Variants in CPA6 observed in about 807,000 individuals in gnomAD.
The protein encoded by CPA6 is carboxypeptidase B.
Under a neutral mutation model 63.3 loss-of-function variants are expected in CPA6, and 58 were observed. The observed-to-expected ratio is 0.92, with a 90% CI of 0.74 to 1.14. The LOEUF is 1.14. Among genes scored for constraint, CPA6 ranks in the 50% most tolerant of loss-of-function variants. CPA6 has a pLI of 0.00. For missense variants in CPA6, 565 were observed against 526.6 expected (o/e 1.07, Z -0.71); for synonymous variants, 185 against 179.0 (o/e 1.03, Z -0.27).
At chr8:67,653,466 T>A (rs1425913132) in intron 1 of CPA6, among the ~76,000 whole-genome samples, 2 of 150,344 alleles carry the variant, frequency 1.3e-5, no homozygotes, top group Non-Finnish European at 1.5e-5. Context: ...ACATCCCTTG[T>A]AAGTTGGATT....
intron 6 of CPA6, among the ~76,000 whole-genome samples, chr8:67,489,311 G>T (rs1257667939): frequency 6.6e-6 from 1 of 151,998 alleles, no homozygotes; most frequent in Non-Finnish European, 1.5e-5. Flanking sequence ...CTAACTTGGA[G>T]ACTTTATTCG....
chr8:67,703,088 G>T (rs1374304811), intron 1 of CPA6, among the ~76,000 whole-genome samples: 1 of 152,128 alleles, frequency 6.6e-6, no homozygotes, highest in Non-Finnish European at 1.5e-5. Flanking sequence ...ACATATTTTG[G>T]TGCCATGTGA....
intron 2 of CPA6, among the ~76,000 whole-genome samples, chr8:67,534,205 T>C (rs1812535928): frequency 1.3e-5 from 2 of 152,160 alleles, no homozygotes; most frequent in African/African-American, 4.8e-5. Flanking sequence ...AGGGATCTCA[T>C]GAGTAAGGAG....
intron 2 of CPA6, among the ~76,000 whole-genome samples, chr8:67,571,190 C>T (rs1441942991): frequency 6.6e-6 from 1 of 152,050 alleles, no homozygotes; most frequent in East Asian, 1.9e-4. Context: ...AGTGGAGCAC[C>T]TAAATATATA....
intron 8 of CPA6, among the ~76,000 whole-genome samples, chr8:67,460,018 A>G (rs879250412): frequency 6.7e-5 from 10 of 148,274 alleles, no homozygotes; most frequent in Admixed American, 3.4e-4. Flanking sequence ...TCTTGGGGGG[A>G]AAAAAAGGCA....
At chr8:67,714,700 A>G (rs1169271704) in intron 1 of CPA6, among the ~76,000 whole-genome samples, 1 of 152,186 alleles carries the variant, frequency 6.6e-6, no homozygotes, top group Non-Finnish European at 1.5e-5. Flanking sequence ...GCTCAGGATT[A>G]AGTGCCTTCC....
At chr8:67,438,088 T>C (rs1193968303) in intron 8 of CPA6, among the ~76,000 whole-genome samples, 1 of 152,184 alleles carries the variant, frequency 6.6e-6, no homozygotes, top group Non-Finnish European at 1.5e-5. Flanking sequence ...TGGCTAGTTT[T>C]TGTATTTTTA....
chr8:67,524,004 T>C lies in CPA6; in HGVS notation c.193-5957A>G, dbSNP rs536125098. Among the ~76,000 whole-genome samples the C allele has an allele frequency of 1.2e-3, 190 of 152,374 alleles. 2 individuals are homozygous for C. The South Asian group carries it at 0.018, about 14-fold the overall frequency. On this transcript the variant is annotated intron_variant, in intron 2 of 10. Coordinates refer to ENST00000297770, the MANE Select transcript of CPA6 (RefSeq NM_020361.5). ...TAGGATTCTGAGTAAGAAAACTTGA[T>C]ATCAAGTTTGTCTTCGACTAGTGTT...
chr8:67,578,750 AC>A (rs1430759890), intron 2 of CPA6, among the ~76,000 whole-genome samples: 7 of 152,352 alleles, frequency 4.6e-5, no homozygotes, highest in South Asian at 2.1e-4. Context: ...TAATAAAAAA[AC>A]ATGTTACATA....
At chr8:67,513,601 C>A (rs1355947558) in intron 3 of CPA6, among the ~76,000 whole-genome samples, 3 of 152,158 alleles carry the variant, frequency 2.0e-5, no homozygotes, top group Admixed American at 1.3e-4. Flanking sequence ...ATGGCGGCCC[C>A]AGCAAACTAA....
intron 2 of CPA6, among the ~76,000 whole-genome samples, chr8:67,623,492 A>C (rs1815128359): frequency 6.6e-6 from 1 of 152,092 alleles, no homozygotes; most frequent in African/African-American, 2.4e-5. Flanking sequence ...CCTGTCTCAA[A>C]AAAAGAGATA....
At chr8:67,592,023 T>C (rs1470902696) in intron 2 of CPA6, among the ~76,000 whole-genome samples, 1 of 152,184 alleles carries the variant, frequency 6.6e-6, no homozygotes, top group East Asian at 1.9e-4. Flanking sequence ...GGCTGTGGGT[T>C]TGTCATAGAT....
chr8:67,620,408 G>A (rs985146282), intron 2 of CPA6, among the ~76,000 whole-genome samples: 2 of 152,140 alleles, frequency 1.3e-5, no homozygotes. Flanking sequence ...ATGTACACCA[G>A]AGGGGATAGA....
intron 8 of CPA6, 91 bp downstream of exon 8, chr8:67,483,675 TGA>T: frequency 1.0e-6 from 1 of 989,528 alleles, no homozygotes; most frequent in East Asian, 2.4e-5. Flanking sequence ...CAGAAAAACA[TGA>T]GTCTCCCATG....
At chr8:67,562,121 A>G (rs924239629) in intron 2 of CPA6, among the ~76,000 whole-genome samples, 1 of 152,240 alleles carries the variant, frequency 6.6e-6, no homozygotes, top group African/African-American at 2.4e-5. Flanking sequence ...GGTCTTCTGC[A>G]GAGAGAAGAG....
chr8:67,494,082 A>G (rs1811660143), intron 6 of CPA6, among the ~76,000 whole-genome samples: 1 of 152,246 alleles, frequency 6.6e-6, no homozygotes, highest in African/African-American at 2.4e-5. Flanking sequence ...TCAGAAAAGC[A>G]TAAAGAAGAA....
At chr8:67,709,642 T>C (rs1230183356) in intron 1 of CPA6, among the ~76,000 whole-genome samples, 1 of 152,184 alleles carries the variant, frequency 6.6e-6, no homozygotes, top group African/African-American at 2.4e-5. Context: ...GAATATGTCT[T>C]GAGAAAGTGA....
chr8:67,542,455 T>A (rs1263046693), intron 2 of CPA6, among the ~76,000 whole-genome samples: 5 of 152,194 alleles, frequency 3.3e-5, no homozygotes, highest in Non-Finnish European at 5.9e-5. Context: ...CAGAGAAGGA[T>A]TTGTGGACAG....
chr8:67,706,853 C>A (rs1030193515), intron 1 of CPA6, among the ~76,000 whole-genome samples: 1 of 152,094 alleles, frequency 6.6e-6, no homozygotes, highest in Non-Finnish European at 1.5e-5. Flanking sequence ...GGTCTGACAT[C>A]AATAGTACAC....
Sources: allele counts gnomAD v4.1 joint callset (sites outside exome capture counted in the v4.1 genomes callset), GRCh38; gene constraint gnomAD v4.1.1; transcripts MANE v1.5; gene names NCBI Gene and HGNC (gene_info 2026-07-23, HGNC 2026-07-21).